GREB1: variants seen among roughly 807,000 people sequenced by gnomAD.
The protein encoded by GREB1 is growth regulating estrogen receptor binding 1.
In GREB1, 106 loss-of-function variants were observed where a neutral mutation model predicts 200.7. That is an observed-to-expected ratio of 0.53 (90% CI 0.45 to 0.62). GREB1 has a LOEUF of 0.62. Among genes scored for constraint, GREB1 ranks in the 20% least tolerant of loss-of-function variants. The probability of loss-of-function intolerance (pLI) is 0.00; values close to 1 mark genes in which losing one functional copy is unlikely to be tolerated. For missense variants in GREB1, 2,243 were observed against 2,556.8 expected, an observed-to-expected ratio of 0.88 and a Z score of 2.65; for synonymous variants, 1,132 against 1,092.4, an observed-to-expected ratio of 1.04 and a Z score of -0.72.
At chr2:11,518,817 C>T (rs1029538338) in intron 1 of GREB1, among the ~76,000 whole-genome samples, 27 of 150,932 alleles carry the variant, frequency 1.8e-4, no homozygotes, top group East Asian at 7.7e-4. Flanking sequence ...GAAAAAATCC[C>T]GCCAGGCGAG....
In GREB1 at chr2:11,578,303, G is replaced by C; in HGVS notation, c.644G>C (p.Arg215Thr). Reference protein sequence around the residue: ...PLICWKGSEFRSRQIPASTCS... With the variant: ...PLICWKGSEFTSRQIPASTCS... ...GTGCACCTTGCCCCCTTAGAGTTTAGAAGCCGGCAGATCCCCGCCAGTACT... is the reference window on the plus strand; with the variant it reads ...GTGCACCTTGCCCCCTTAGAGTTTACAAGCCGGCAGATCCCCGCCAGTACT... Residue 215 changes from arginine to threonine, a missense_variant, in exon 6 of 33, where the codon AGA (arginine) becomes ACA (threonine). Physicochemically the swap from Arg to Thr is moderately conservative, Grantham distance 71. This residue lies in a region of GREB1 where 1,178 missense variants were observed against 1,387.4 expected (regional missense o/e 0.85). Transcript: ENST00000381486. 1 of 1,612,764 alleles carries C rather than the reference G, an allele frequency of 6.2e-7. No homozygotes were observed. Among genetic ancestry groups the C allele is most frequent in the African/African-American group, 1.3e-5 (1 of 75,012 alleles).
intron 2 of GREB1, among the ~76,000 whole-genome samples, chr2:11,559,581 C>T (rs1676779551): frequency 6.6e-6 from 1 of 152,184 alleles, no homozygotes; most frequent in African/African-American, 2.4e-5. Context: ...TTTAGTTCTC[C>T]TGGGATGTGT....
chr2:11,615,541 A>G (rs752644201), intron 20 of GREB1, among the ~76,000 whole-genome samples: 1 of 152,208 alleles, frequency 6.6e-6, no homozygotes, highest in African/African-American at 2.4e-5. Context: ...GGAAATCCCT[A>G]TAGGTTTTTC....
In GREB1 at chr2:11,641,022, A is replaced by C. The variant is rs889353229; in HGVS notation, c.*568A>C. 3 of 151,260 alleles carry C rather than the reference A, an allele frequency of 2.0e-5. No homozygotes were observed. Among genetic ancestry groups the C allele is most frequent in the African/African-American group, 7.5e-5 (3 of 40,260 alleles). 9.4% of individuals were successfully genotyped at this position (151,260 alleles called of 1,614,324 possible). On this transcript the variant is annotated 3_prime_UTR_variant, in exon 33 of 33. Coordinates refer to ENST00000381486, the MANE Select transcript of GREB1 (RefSeq NM_014668.4). ...AAAGGCATCAAATTTAATAAAGTTA[A>C]ACAAATTGATTTACTTCAGAGCAAA...
intron 1 of GREB1, among the ~76,000 whole-genome samples, chr2:11,536,009 G>A (rs141698075): frequency 1.8e-3 from 273 of 152,194 alleles, no homozygotes; most frequent in African/African-American, 6.0e-3. Flanking sequence ...GGCCAAGGGC[G>A]TACATCTGCA....
chr2:11,587,739 A>C, intron 9 of GREB1: 1 of 697,906 alleles, frequency 1.4e-6, no homozygotes. Flanking sequence ...ACACACACAC[A>C]CACGCCACCT....
intron 1 of GREB1, among the ~76,000 whole-genome samples, chr2:11,549,895 A>G (rs1258564961): frequency 6.6e-6 from 1 of 151,980 alleles, no homozygotes; most frequent in African/African-American, 2.4e-5. Flanking sequence ...TGATCTTTGG[A>G]TGTCTGCTTA....
At chr2:11,574,853 T>G (rs1381401745) in intron 4 of GREB1, among the ~76,000 whole-genome samples, 1 of 152,208 alleles carries the variant, frequency 6.6e-6, no homozygotes, top group Non-Finnish European at 1.5e-5. Context: ...GAGGACAGTA[T>G]TTCATGCCAG....
chr2:11,616,160 CT>C (rs1683384171), intron 20 of GREB1, among the ~76,000 whole-genome samples: 1 of 152,264 alleles, frequency 6.6e-6, no homozygotes, highest in Non-Finnish European at 1.5e-5. Flanking sequence ...CCGCATTGCA[CT>C]GAGCACTGGC....
chr2:11,569,937 T>C (rs997834369), intron 4 of GREB1, among the ~76,000 whole-genome samples: 61 of 152,138 alleles, frequency 4.0e-4, no homozygotes, highest in African/African-American at 1.4e-3. Flanking sequence ...TTTCAAACTA[T>C]GGAAGTACAG....
intron 22 of GREB1, among the ~76,000 whole-genome samples, chr2:11,619,533 A>G (rs1419955575): frequency 6.6e-6 from 1 of 152,228 alleles, no homozygotes. Flanking sequence ...TAAAAAGGAC[A>G]AAAGAAAATG....
At chr2:11,550,747 C>T (rs1675735707) in intron 1 of GREB1, among the ~76,000 whole-genome samples, 1 of 152,176 alleles carries the variant, frequency 6.6e-6, no homozygotes, top group African/African-American at 2.4e-5. Flanking sequence ...CTTTTGTTGG[C>T]ATATCTTGTC....
chr2:11,618,173 CTGGGACAGGTCACTCCTGGGATGGGTG>C (rs1558643684), intron 21 of GREB1, 88 bp from the exon 22 acceptor site: 9,874 of 909,016 alleles, frequency 0.011, 391 homozygotes, highest in East Asian at 0.095. Flanking sequence ...TGGGTGACTC[CTGGGACAGGTCACTCCTGGGATGGGTG>C]ACTCCTGGGA....
intron 1 of GREB1, among the ~76,000 whole-genome samples, chr2:11,526,373 C>G (rs1188932047): frequency 1.3e-5 from 2 of 152,154 alleles, no homozygotes; most frequent in African/African-American, 4.8e-5. Flanking sequence ...AGCTTAACTA[C>G]TTACTAGTTA....
chr2:11,587,637 A>G (rs1680258911), intron 9 of GREB1: 1 of 1,415,544 alleles, frequency 7.1e-7, no homozygotes, highest in Admixed American at 2.9e-5. Flanking sequence ...TATAACACAC[A>G]GCCGAAGTCA....
intron 4 of GREB1, among the ~76,000 whole-genome samples, chr2:11,574,605 C>T (rs1450807499): frequency 6.6e-6 from 1 of 152,148 alleles, no homozygotes; most frequent in Non-Finnish European, 1.5e-5. Context: ...GGGGCAGCCT[C>T]GGATGCCAGG....
At chr2:11,487,783 T>C (rs945952952) in intron 1 of GREB1, among the ~76,000 whole-genome samples, 2 of 152,206 alleles carry the variant, frequency 1.3e-5, no homozygotes, top group African/African-American at 2.4e-5. Flanking sequence ...TGGATCACTT[T>C]AAAGTAAATC....
At chr2:11,547,697 C>T (rs568514650) in intron 1 of GREB1, among the ~76,000 whole-genome samples, 11 of 152,254 alleles carry the variant, frequency 7.2e-5, no homozygotes, top group East Asian at 5.8e-4. Flanking sequence ...CTAGAGACAA[C>T]CATTTTTAAA....
chr2:11,562,351 C>T, intron 2 of GREB1, 112 bp from the exon 3 acceptor site: 2 of 1,424,730 alleles, frequency 1.4e-6, no homozygotes, highest in Non-Finnish European at 9.6e-7. Context: ...GGATTAGTCC[C>T]ATAGGTCCTG....
Sources: gnomAD v4.1 joint callset for allele counts (sites outside exome capture counted in the v4.1 genomes callset) on GRCh38, gnomAD v4.1.1 for gene constraint, gnomAD v4.1.1 regional missense constraint, MANE v1.5 for transcripts, NCBI Gene and HGNC (gene_info 2026-07-23, HGNC 2026-07-21) for gene names.